Variants in MEIG1 observed in about 807,000 individuals in gnomAD.
MEIG1 encodes meiosis expressed gene 1 protein homolog.
In MEIG1, 12 loss-of-function variants were observed where a neutral mutation model predicts 11.3. The observed-to-expected ratio is 1.07, with a 90% confidence interval of 0.68 to 1.73. MEIG1 has a LOEUF of 1.73. MEIG1 is among the 40% of genes most tolerant of loss of function. MEIG1 has a pLI of 0.00. For synonymous variants in MEIG1, 41 were observed against 33.2 expected (o/e 1.24, Z -0.81); for missense variants, 119 against 104.9 (o/e 1.13, Z -0.59).
upstream of MEIG1, among the ~76,000 whole-genome samples, chr10:14,958,891 G>T (rs1176585408): frequency 6.6e-6 from 1 of 151,400 alleles, no homozygotes; most frequent in East Asian, 1.9e-4. Context: ...GCGAGACTCC[G>T]TCTAAAAAAA....
chr10:14,978,647 G>C (rs559874195), intron 1 of MEIG1, among the ~76,000 whole-genome samples: 2 of 152,040 alleles, frequency 1.3e-5, no homozygotes, highest in East Asian at 3.9e-4. Flanking sequence ...AGTATTCGTA[G>C]TCTCCTAGAC....
At chr10:14,981,020 C>CA (rs1843257467) in intron 1 of MEIG1, among the ~76,000 whole-genome samples, 2 of 152,148 alleles carry the variant, frequency 1.3e-5, no homozygotes, top group African/African-American at 4.8e-5. Flanking sequence ...TGGGAACAGG[C>CA]AGGAGGGGAG....
At chr10:14,970,907 G>C (rs1416929095) in intron 2 of MEIG1, among the ~76,000 whole-genome samples, 1 of 152,154 alleles carries the variant, frequency 6.6e-6, no homozygotes, top group African/African-American at 2.4e-5. Flanking sequence ...CTACAACCTA[G>C]ATAATGAGTT....
intron 2 of MEIG1, among the ~76,000 whole-genome samples, chr10:14,968,155 T>C (rs1240548322): frequency 6.6e-6 from 1 of 152,176 alleles, no homozygotes; most frequent in East Asian, 1.9e-4. Flanking sequence ...TCTTTTTCTT[T>C]TATTCTATTC....
exon 3 of MEIG1, chr10:14,988,000 C>T (rs1482868819): frequency 1.3e-5 from 2 of 152,674 alleles, no homozygotes; most frequent in African/African-American, 2.4e-5. Flanking sequence ...TATTATCATC[C>T]TTCGGTTTTC....
chr10:14,978,999 G>C (rs925712430), intron 1 of MEIG1, among the ~76,000 whole-genome samples: 3 of 151,926 alleles, frequency 2.0e-5, no homozygotes, highest in Admixed American at 2.0e-4. Context: ...ATGTCACCCG[G>C]CGTGTACACC....
In MEIG1 at chr10:14,985,901, T is replaced by C. The variant is rs550975326; in HGVS notation, n.67-895T>C. On this transcript the variant is annotated intron_variant and non_coding_transcript_variant, in intron 1 of 2. Coordinates refer to the MEIG1 transcript ENST00000467536. ...ACAACTCCTGATATCACAGTGCGTG[T>C]ACCCCGGGTGTGTACACCCTTGATA... Among the ~76,000 whole-genome samples the C allele has an allele frequency of 1.3e-3, 194 of 152,164 alleles. 1 individual carries two copies. Among genetic ancestry groups the C allele is most frequent in the Middle Eastern group, 0.01 (3 of 294 alleles).
At chr10:14,987,594 A>G in intron 2 of MEIG1, 2 of 545,852 alleles carry the variant, frequency 3.7e-6, no homozygotes, top group South Asian at 2.0e-5. Context: ...GACAATTCCA[A>G]AAATCTCAGA....
intron 1 of MEIG1, among the ~76,000 whole-genome samples, chr10:14,983,098 G>T (rs1843281498): frequency 6.6e-6 from 1 of 151,916 alleles, no homozygotes; most frequent in African/African-American, 2.4e-5. Flanking sequence ...CTGTGATATT[G>T]CTCCTAATGT....
intron 1 of MEIG1, among the ~76,000 whole-genome samples, chr10:14,986,217 C>T (rs973606585): frequency 2.0e-5 from 3 of 152,102 alleles, no homozygotes; most frequent in African/African-American, 4.8e-5. Context: ...CCCAGCTACT[C>T]GGGAGGTGGA....
chr10:14,963,561 G>A (rs1018587321), intron 1 of MEIG1, among the ~76,000 whole-genome samples: 1 of 152,174 alleles, frequency 6.6e-6, no homozygotes, highest in Non-Finnish European at 1.5e-5. Flanking sequence ...TGCAGCAGTG[G>A]AGTAGTGAAC....
chr10:14,963,721 T>G (rs1405677488), intron 1 of MEIG1, among the ~76,000 whole-genome samples: 1 of 152,176 alleles, frequency 6.6e-6, no homozygotes, highest in African/African-American at 2.4e-5. Context: ...TCACAGCACT[T>G]TGGGAGGCCG....
chr10:14,964,622 C>T (rs796255220), intron 1 of MEIG1, among the ~76,000 whole-genome samples: 6 of 98,660 alleles, frequency 6.1e-5, no homozygotes, highest in African/African-American at 8.6e-5. Flanking sequence ...CACACACACA[C>T]ATATATATGT....
chr10:14,961,170 C>A (rs1843008378), intron 1 of MEIG1, among the ~76,000 whole-genome samples: 1 of 152,214 alleles, frequency 6.6e-6, no homozygotes, highest in Non-Finnish European at 1.5e-5. Flanking sequence ...CTTAGCTCCC[C>A]TGCAGTTGGG....
At chr10:14,964,587 A>G (rs61845579) in intron 1 of MEIG1, among the ~76,000 whole-genome samples, 86,871 of 96,002 alleles carry the variant, frequency 0.9, 39,142 homozygotes, top group Admixed American at 0.95. Context: ...GTGTGTGTGT[A>G]TATATATATA....
chr10:14,970,203 G>A (rs1167964903), intron 2 of MEIG1: 1 of 152,158 alleles, frequency 6.6e-6, no homozygotes, highest in Non-Finnish European at 1.5e-5. Context: ...TCCCTCCTGA[G>A]GGGAAAGTCC....
At chr10:14,980,611 C>T (rs978538040) in intron 1 of MEIG1, among the ~76,000 whole-genome samples, 9 of 152,148 alleles carry the variant, frequency 5.9e-5, no homozygotes, top group African/African-American at 2.2e-4. Flanking sequence ...GTTCTCTTGG[C>T]GCACCCGACT....
intron 1 of MEIG1, among the ~76,000 whole-genome samples, chr10:14,982,796 A>C (rs571036966): frequency 6.6e-6 from 1 of 152,126 alleles, no homozygotes; most frequent in Non-Finnish European, 1.5e-5. Flanking sequence ...TCTTAAAATC[A>C]ATACAGATAA....
chr10:14,983,511 C>T (rs1843285748), intron 1 of MEIG1, among the ~76,000 whole-genome samples: 1 of 151,964 alleles, frequency 6.6e-6, no homozygotes, highest in South Asian at 2.1e-4. Flanking sequence ...AGAGGAGAGG[C>T]TGATATGACT....
Sources: allele counts gnomAD v4.1 joint callset (sites outside exome capture counted in the v4.1 genomes callset), GRCh38; gene constraint gnomAD v4.1.1; transcripts MANE v1.5; gene names NCBI Gene and HGNC (gene_info 2026-07-23, HGNC 2026-07-21).